The following UST variants were observed in gnomAD, a reference collection of about 807,000 sequenced individuals.
The protein encoded by UST is uronyl 2-sulfotransferase, also known as chondroitin sulfate 2-O-sulfotransferase.
UST carries 21 observed loss-of-function variants against 45.6 expected under a neutral mutation model. The observed-to-expected ratio is 0.46, with a 90% confidence interval of 0.33 to 0.66. UST has a LOEUF of 0.66. UST is among the 30% of genes least tolerant of loss of function. The pLI, the probability that UST is intolerant of heterozygous loss-of-function variation, is 0.02. For missense variants in UST, 463 were observed against 512.4 expected (o/e 0.90, Z 0.93); for synonymous variants, 215 against 200.6 (o/e 1.07, Z -0.61).
At chr6:149,013,780 T>G (rs1412163628) in intron 5 of UST, among the ~76,000 whole-genome samples, 1 of 152,204 alleles carries the variant, frequency 6.6e-6, no homozygotes, top group African/African-American at 2.4e-5. Flanking sequence ...ATCCTGTCTT[T>G]GAAAGCCATG....
At chr6:148,869,060 C>T (rs1311100169) in intron 1 of UST, among the ~76,000 whole-genome samples, 6 of 152,212 alleles carry the variant, frequency 3.9e-5, no homozygotes, top group Non-Finnish European at 7.3e-5. Flanking sequence ...GCCAAGGTTA[C>T]GTCCAATAAG....
intron 1 of UST, among the ~76,000 whole-genome samples, chr6:148,859,543 G>T (rs576184547): frequency 1.3e-5 from 2 of 152,258 alleles, no homozygotes; most frequent in Admixed American, 1.3e-4. Flanking sequence ...ATTGCTTTTG[G>T]TGTTTTAGTC....
rs1248947255 is a variant in UST, at chr6:149,019,243, G to T, written c.779+7G>T. On this transcript the variant is annotated splice_region_variant and intron_variant, in intron 6 of 7. Coordinates refer to ENST00000367463, the MANE Select transcript of UST (RefSeq NM_005715.3). ...GACAGCATCCCAGATGCAGGTAAGG[G>T]CTAAAGCAGGGTCATGGCATGCACG... The T allele has an allele frequency of 6.2e-7, 1 of 1,609,068 alleles. No individual in the cohort carries two copies. Among genetic ancestry groups the T allele is most frequent in the Admixed American group, 1.7e-5 (1 of 59,982 alleles).
chr6:148,942,806 G>T (rs9322161), intron 3 of UST, among the ~76,000 whole-genome samples: 53,645 of 151,932 alleles, frequency 0.35, 9,939 homozygotes, highest in South Asian at 0.46. Flanking sequence ...ATAATACAGA[G>T]ATCAAATTGC....
intron 5 of UST, among the ~76,000 whole-genome samples, chr6:149,013,483 G>A (rs569647659): frequency 2.6e-5 from 4 of 151,618 alleles, no homozygotes; most frequent in African/African-American, 9.7e-5. Flanking sequence ...CCAAAATTGC[G>A]TCATTGCACT....
At chr6:149,065,769 T>C (rs968625107) in intron 7 of UST, among the ~76,000 whole-genome samples, 36 of 152,246 alleles carry the variant, frequency 2.4e-4, no homozygotes, top group African/African-American at 8.4e-4. Context: ...ATTGGTTGAA[T>C]CTGAGTCTCT....
intron 1 of UST, among the ~76,000 whole-genome samples, chr6:148,860,731 T>G (rs1482130864): frequency 6.6e-6 from 1 of 152,224 alleles, no homozygotes; most frequent in Admixed American, 6.5e-5. Flanking sequence ...GTCGAAGGCC[T>G]TTTCTGCATC....
chr6:149,074,421 C>T lies in UST; in HGVS notation c.*305C>T. On this transcript the variant is annotated 3_prime_UTR_variant, in exon 8 of 8. Transcript: ENST00000367463. ...TGGGAAAAGGGGGAGAAATATAGCC[C>T]CTAGCCTAATAACTTATCATTTGTA... 1 of 381,208 alleles carries T rather than the reference C, an allele frequency of 2.6e-6. No homozygotes were observed. The highest frequency in any genetic ancestry group is 4.3e-5 in the South Asian group (1 of 23,236). The allele number at this position is 381,208 out of a possible 1,614,324, so 23.6% of individuals were successfully genotyped here. A position where few individuals can be genotyped will look rare whatever the true frequency, so the allele number is the denominator to read the frequency against.
intron 2 of UST, among the ~76,000 whole-genome samples, chr6:148,939,525 T>G (rs962153726): frequency 8.5e-5 from 13 of 152,188 alleles, no homozygotes; most frequent in South Asian, 2.1e-4. Flanking sequence ...GGGAATAGAA[T>G]TGAGAATCCA....
intron 7 of UST, chr6:149,032,569 A>G (rs975291155): frequency 1.3e-5 from 2 of 154,036 alleles, no homozygotes; most frequent in African/African-American, 4.8e-5. Flanking sequence ...GTCCCCCGAC[A>G]TCATCCTCCT....
chr6:149,005,132 G>A (rs1303171879), intron 5 of UST, among the ~76,000 whole-genome samples: 1 of 152,080 alleles, frequency 6.6e-6, no homozygotes, highest in Non-Finnish European at 1.5e-5. Flanking sequence ...ATCAAATGAA[G>A]CCTTACAGAG....
intron 1 of UST, among the ~76,000 whole-genome samples, chr6:148,756,437 A>T (rs2114649504): frequency 6.6e-6 from 1 of 152,334 alleles, no homozygotes. Context: ...ACTGTCATTC[A>T]AAATTACCAG....
chr6:148,935,661 C>G (rs759747018), intron 2 of UST, among the ~76,000 whole-genome samples: 1 of 152,132 alleles, frequency 6.6e-6, no homozygotes, highest in Non-Finnish European at 1.5e-5. Context: ...TAACTTACTG[C>G]TTCTTGGTTT....
intron 1 of UST, among the ~76,000 whole-genome samples, chr6:148,860,318 A>G (rs1190663759): frequency 3.9e-5 from 6 of 152,144 alleles, no homozygotes; most frequent in Non-Finnish European, 7.3e-5. Context: ...GTGTATAGGA[A>G]TGCTTGTGAT....
intron 2 of UST, among the ~76,000 whole-genome samples, chr6:148,910,257 C>CA (rs956617977): frequency 9.9e-5 from 15 of 151,806 alleles, no homozygotes; most frequent in African/African-American, 2.7e-4. Flanking sequence ...TCTTCTGCCT[C>CA]AGCCTCCCAA....
chr6:148,863,493 T>C (rs184920291), intron 1 of UST, among the ~76,000 whole-genome samples: 264 of 152,346 alleles, frequency 1.7e-3, no homozygotes, highest in African/African-American at 6.2e-3. Context: ...TCTGAAGCCT[T>C]CTTCTCTCAA....
At chr6:149,068,786 C>T (rs542584619) in intron 7 of UST, among the ~76,000 whole-genome samples, 2 of 152,180 alleles carry the variant, frequency 1.3e-5, no homozygotes, top group East Asian at 3.9e-4. Context: ...ACATACAATA[C>T]ATTGTTGCTA....
At chr6:148,897,160 TTTTA>T (rs1779147188) in intron 2 of UST, among the ~76,000 whole-genome samples, 1 of 146,606 alleles carries the variant, frequency 6.8e-6, no homozygotes, top group Non-Finnish European at 1.5e-5. Context: ...TTTATTTTAC[TTTTA>T]AAATTTTTTT....
At chr6:149,024,638 G>T (rs1251685233) in intron 7 of UST, among the ~76,000 whole-genome samples, 1 of 152,080 alleles carries the variant, frequency 6.6e-6, no homozygotes, top group Non-Finnish European at 1.5e-5. Flanking sequence ...CAACTGAGTT[G>T]GTGTCAAGTA....
Sources: allele counts gnomAD v4.1 joint callset (sites outside exome capture counted in the v4.1 genomes callset), GRCh38; gene constraint gnomAD v4.1.1; transcripts MANE v1.5; gene names NCBI Gene and HGNC (gene_info 2026-07-23, HGNC 2026-07-21).